Variants in SPAG16 observed in about 807,000 individuals in gnomAD.
The protein encoded by SPAG16 is sperm associated antigen 16.
Under a neutral mutation model 80.4 loss-of-function variants are expected in SPAG16, and 86 were observed. The ratio of observed to expected loss-of-function variants is 1.07; its 90% CI spans 0.90 to 1.28. The LOEUF is 1.28. Ranked by LOEUF, SPAG16 falls within the 50% of genes most tolerant of loss-of-function variation. The probability of loss-of-function intolerance (pLI) is 0.00; values close to 1 mark genes in which losing one functional copy is unlikely to be tolerated. For missense variants in SPAG16, 870 were observed against 765.3 expected (o/e 1.14, Z -1.61); for synonymous variants, 294 against 265.9 (o/e 1.11, Z -1.03).
At chr2:214,273,904 G>C (rs922944437) in intron 15 of SPAG16, among the ~76,000 whole-genome samples, 6 of 152,098 alleles carry the variant, frequency 3.9e-5, no homozygotes, top group Admixed American at 3.9e-4. Context: ...CCATTTTCAC[G>C]ATATTGATTC....
At chr2:214,360,248 A>G (rs1042972821) in intron 15 of SPAG16, among the ~76,000 whole-genome samples, 14 of 152,010 alleles carry the variant, frequency 9.2e-5, no homozygotes, top group Admixed American at 6.6e-5. Context: ...ATTATTAGAT[A>G]TTTCCTAGAT....
At chr2:213,598,488 G>A (rs566989481) in intron 10 of SPAG16, among the ~76,000 whole-genome samples, 19 of 152,066 alleles carry the variant, frequency 1.2e-4, no homozygotes, top group Non-Finnish European at 4.4e-5. Flanking sequence ...TAAAATTTAG[G>A]GTACTAAACA....
At chr2:213,350,235 T>C (rs962382804) in intron 6 of SPAG16, among the ~76,000 whole-genome samples, 3 of 152,156 alleles carry the variant, frequency 2.0e-5, no homozygotes, top group African/African-American at 7.2e-5. Context: ...TTAAAAAATT[T>C]CATGGGTAGC....
At chr2:213,528,460 A>ATG (rs966601652) in intron 10 of SPAG16, among the ~76,000 whole-genome samples, 22 of 149,868 alleles carry the variant, frequency 1.5e-4, no homozygotes, top group Non-Finnish European at 2.6e-4. Flanking sequence ...TATGTAACAG[A>ATG]TGTGTGTGTG....
chr2:213,769,929 C>A (rs2069149357), intron 10 of SPAG16, among the ~76,000 whole-genome samples: 1 of 152,268 alleles, frequency 6.6e-6, no homozygotes, highest in African/African-American at 2.4e-5. Context: ...CTGAAGCAAC[C>A]AGCATCTGAT....
chr2:213,584,278 G>C (rs1309749767), intron 10 of SPAG16, among the ~76,000 whole-genome samples: 1 of 151,596 alleles, frequency 6.6e-6, no homozygotes, highest in African/African-American at 2.4e-5. Flanking sequence ...TCTTGAATGA[G>C]GCCCAGCATT....
At chr2:213,782,388 A>T (rs1011293897) in intron 10 of SPAG16, among the ~76,000 whole-genome samples, 1 of 152,154 alleles carries the variant, frequency 6.6e-6, no homozygotes, top group Non-Finnish European at 1.5e-5. Flanking sequence ...ATGGTACCTA[A>T]TGGAAGAGCA....
chr2:213,446,483 A>G (rs1339901019), intron 9 of SPAG16, among the ~76,000 whole-genome samples: 1 of 152,250 alleles, frequency 6.6e-6, no homozygotes, highest in Non-Finnish European at 1.5e-5. Context: ...AAGCTGAGAA[A>G]GAATCTCAGA....
At chr2:214,347,309 TGA>T (rs1698114517) in intron 15 of SPAG16, among the ~76,000 whole-genome samples, 1 of 151,608 alleles carries the variant, frequency 6.6e-6, no homozygotes, top group Non-Finnish European at 1.5e-5. Flanking sequence ...TATAATAAAA[TGA>T]GAGATGAGAC....
intron 12 of SPAG16, among the ~76,000 whole-genome samples, chr2:213,964,421 A>G (rs1360848021): frequency 6.6e-6 from 1 of 152,174 alleles, no homozygotes; most frequent in Non-Finnish European, 1.5e-5. Flanking sequence ...AGCTAGCAAT[A>G]AATTCTCTTA....
Position 214,340,180 on chromosome 2 carries a change from G to C in SPAG16, c.1721-69960G>C, listed in dbSNP as rs1438226001. 3.3e-5 allele frequency among the ~76,000 whole-genome samples: 5 copies of C among 152,164 alleles called. No homozygotes were observed. In the East Asian group the frequency reaches 9.6e-4, roughly 29 times the overall value. ...ATCTCTCATGGGTGTCTTCCATCCA[G>C]ATCCCTGTTCCTTAATTTTCTTTGA... On this transcript the variant is annotated intron_variant, in intron 15 of 15. Transcript: ENST00000331683.
intron 10 of SPAG16, among the ~76,000 whole-genome samples, chr2:213,763,166 G>T (rs1052945048): frequency 2.7e-4 from 41 of 152,132 alleles, no homozygotes; most frequent in Admixed American, 1.6e-3. Context: ...CTGAATCCTT[G>T]AGTTGTGTTA....
At chr2:213,608,419 C>A (rs1186894097) in intron 10 of SPAG16, among the ~76,000 whole-genome samples, 1 of 151,950 alleles carries the variant, frequency 6.6e-6, no homozygotes, top group African/African-American at 2.4e-5. Context: ...TGAGAACATG[C>A]GGTGTTTGGT....
chr2:213,878,563 C>T (rs1238046511), intron 11 of SPAG16, among the ~76,000 whole-genome samples: 2 of 152,054 alleles, frequency 1.3e-5, no homozygotes. Context: ...ATTACCCTGT[C>T]AGATACATAG....
At chr2:214,060,009 G>A (rs1034748849) in intron 13 of SPAG16, among the ~76,000 whole-genome samples, 20 of 151,986 alleles carry the variant, frequency 1.3e-4, no homozygotes, top group Non-Finnish European at 2.2e-4. Flanking sequence ...CAGGACCTGC[G>A]GGCAATGCAG....
At chr2:214,207,972 A>G (rs1304013147) in intron 15 of SPAG16, among the ~76,000 whole-genome samples, 2 of 152,202 alleles carry the variant, frequency 1.3e-5, no homozygotes, top group Non-Finnish European at 2.9e-5. Context: ...GGAAGTCTGC[A>G]CTGTCAGCTT....
chr2:213,407,512 C>G (rs1455201581), intron 9 of SPAG16, among the ~76,000 whole-genome samples: 1 of 151,884 alleles, frequency 6.6e-6, no homozygotes, highest in African/African-American at 2.4e-5. Flanking sequence ...CACAACCCCC[C>G]CGTTCAACCC....
chr2:213,922,691 T>C (rs2078280317), intron 11 of SPAG16, among the ~76,000 whole-genome samples: 1 of 152,196 alleles, frequency 6.6e-6, no homozygotes, highest in Non-Finnish European at 1.5e-5. Context: ...TTCTGTCCTT[T>C]CAATTGATTT....
intron 10 of SPAG16, among the ~76,000 whole-genome samples, chr2:213,749,671 T>C (rs995555380): frequency 9.2e-5 from 14 of 152,354 alleles, no homozygotes; most frequent in African/African-American, 3.4e-4. Flanking sequence ...CTTGGCTATT[T>C]AGCTATAATT....
Sources: allele counts gnomAD v4.1 joint callset (sites outside exome capture counted in the v4.1 genomes callset), GRCh38; gene constraint gnomAD v4.1.1; transcripts MANE v1.5; gene names NCBI Gene and HGNC (gene_info 2026-07-23, HGNC 2026-07-21).